Variants in USP7 observed in about 807,000 individuals in gnomAD.
The protein encoded by USP7 is ubiquitin specific peptidase 7, also known as ubiquitin C-terminal hydrolase 7.
A neutral mutation model predicts 162.9 loss-of-function variants in USP7; 9 were observed. That is an observed-to-expected ratio of 0.06 (90% confidence interval 0.03 to 0.10). The LOEUF (loss-of-function observed/expected upper bound fraction) is 0.10. Among genes scored for constraint, USP7 ranks in the 10% least tolerant of loss-of-function variants. The pLI is 1.00. For missense variants in USP7, 715 were observed against 1,373.7 expected (o/e 0.52, Z 7.58); for synonymous variants, 562 against 475.9 (o/e 1.18, Z -2.35).
chr16:8,928,754 G>T (rs915866351), intron 2 of USP7, among the ~76,000 whole-genome samples: 1 of 152,234 alleles, frequency 6.6e-6, no homozygotes, highest in South Asian at 2.1e-4. Flanking sequence ...GAGGTCACAA[G>T]AAGGGCATTT....
At chr16:8,920,583 A>G (rs543196362) in intron 4 of USP7, 136 bp from the exon 5 acceptor site, 1 of 706,146 alleles carries the variant, frequency 1.4e-6, no homozygotes. Flanking sequence ...CTTTTTTGCT[A>G]ATTTTAGACT....
intron 3 of USP7, 29 bp from the exon 4 acceptor site, chr16:8,921,324 T>G: frequency 2.5e-6 from 4 of 1,604,250 alleles, no homozygotes; most frequent in Admixed American, 3.4e-5. Flanking sequence ...TGAGCCTTAG[T>G]TGACATTATT....
At chr16:8,901,598 C>A (rs1278724178) in intron 18 of USP7, among the ~76,000 whole-genome samples, 1 of 152,194 alleles carries the variant, frequency 6.6e-6, no homozygotes, top group African/African-American at 2.4e-5. Context: ...CCAGAAGTGA[C>A]CACTCACAGC....
intron 1 of USP7, chr16:8,962,645 G>T (rs1596425285): frequency 7.7e-6 from 2 of 259,922 alleles, no homozygotes; most frequent in Middle Eastern, 1.2e-3. Flanking sequence ...AGAACTCTGG[G>T]CCAGTCCAAA....
chr16:8,923,477 C>T (rs1371258776), intron 2 of USP7, 64 bp from the exon 3 acceptor site: 5 of 1,547,152 alleles, frequency 3.2e-6, no homozygotes, highest in Admixed American at 1.8e-5. Context: ...TAGCATTAAT[C>T]GACATGGAGT....
intron 7 of USP7, among the ~76,000 whole-genome samples, 194 bp from the exon 8 acceptor site, chr16:8,916,750 T>G (rs537973037): frequency 6.6e-6 from 1 of 152,298 alleles, no homozygotes; most frequent in Non-Finnish European, 1.5e-5. Flanking sequence ...CAAGAAAATG[T>G]AATAAATCTG....
Position 8,898,362 on chromosome 16 carries a change from C to G in USP7, c.2716G>C (p.Glu906Gln). 6.2e-7 allele frequency: 1 copy of G among 1,603,788 alleles called. No individual in the cohort carries two copies. The highest frequency in any genetic ancestry group is 2.2e-5 in the East Asian group (1 of 44,840). ...CIWLNSQFRE[E>Q]EITLYPDKHG... The stretch of plus-strand genomic sequence containing the variant: ...TTCATAGTATTAAAAAAACTTACCT[C>G]TTCCCTAAATTGGCTGTTTAACCAT... The change falls in exon 25 of 31, where the codon GAG becomes CAG. Residue 906 changes from glutamate to glutamine, a missense_variant and splice_region_variant. Coordinates refer to ENST00000344836, the MANE Select transcript of USP7 (RefSeq NM_003470.3).
intron 1 of USP7, among the ~76,000 whole-genome samples, chr16:8,938,704 C>G (rs1445272918): frequency 1.8e-5 from 2 of 109,260 alleles, no homozygotes; most frequent in African/African-American, 1.0e-4. Context: ...CAGCAAGACT[C>G]CGTCTCAAAA....
chr16:8,898,287 A>T, intron 25 of USP7, 73 bp downstream of exon 25: 1 of 1,254,868 alleles, frequency 8.0e-7, no homozygotes, highest in Non-Finnish European at 1.1e-6. Flanking sequence ...TTAGTTTTCA[A>T]TGTCTGGGGA....
At chr16:8,917,894 A>G (rs1897462424) in intron 6 of USP7, among the ~76,000 whole-genome samples, 1 of 152,028 alleles carries the variant, frequency 6.6e-6, no homozygotes. Context: ...GGTCCACGCC[A>G]TTCTCCTGCC....
chr16:8,936,869 CA>C, intron 1 of USP7: 1 of 680,966 alleles, frequency 1.5e-6, no homozygotes, highest in Non-Finnish European at 2.0e-6. Context: ...TGGTTAACAA[CA>C]TACCAATGCC....
At chr16:8,895,794 A>G (rs2061671969) in intron 26 of USP7, 53 bp from the exon 27 acceptor site, 1 of 1,252,102 alleles carries the variant, frequency 8.0e-7, no homozygotes. Context: ...ATATTCACAT[A>G]AAAATAAAAT....
At chr16:8,941,856 G>A (rs1186503627) in intron 1 of USP7, among the ~76,000 whole-genome samples, 2 of 152,212 alleles carry the variant, frequency 1.3e-5, no homozygotes, top group Admixed American at 1.3e-4. Flanking sequence ...GGAACTGGGT[G>A]GACACGCCTC....
At chr16:8,913,184 C>T (rs577356250) in intron 10 of USP7, among the ~76,000 whole-genome samples, 1 of 152,280 alleles carries the variant, frequency 6.6e-6, no homozygotes, top group South Asian at 2.1e-4. Flanking sequence ...GGTGAAACCT[C>T]GTCTCTACTG....
intron 10 of USP7, among the ~76,000 whole-genome samples, chr16:8,912,082 G>A (rs141788616): frequency 2.0e-5 from 3 of 152,186 alleles, no homozygotes. Flanking sequence ...GTGCATAAGA[G>A]CAAAGGTTAG....
At chr16:8,957,521 A>G (rs1484630091) in intron 1 of USP7, among the ~76,000 whole-genome samples, 2 of 151,728 alleles carry the variant, frequency 1.3e-5, no homozygotes, top group East Asian at 3.9e-4. Flanking sequence ...AGGCAGGAGG[A>G]TTGCTTGAGA....
rs754707182 is a variant in USP7, at chr16:8,899,117, C to T, written c.2531+4G>A. The T allele has an allele frequency of 6.2e-7, 1 of 1,614,176 alleles. No individual in the cohort carries two copies. The highest frequency in any genetic ancestry group is 1.7e-5 in the Admixed American group (1 of 60,024). ...CCAAGCAAGTGTCCACACATGTGAC[C>T]TACCCTTGAGACTTGAAAAACTGCA... On this transcript the variant is annotated splice_donor_region_variant and intron_variant, in intron 23 of 30. Transcript: ENST00000344836.
intron 2 of USP7, among the ~76,000 whole-genome samples, chr16:8,924,820 T>C (rs1423472867): frequency 6.6e-6 from 1 of 152,238 alleles, no homozygotes; most frequent in Non-Finnish European, 1.5e-5. Flanking sequence ...CTACCTTCTT[T>C]GAGACACTCT....
Position 8,906,325 on chromosome 16 carries a change from G to A in USP7, c.1428+101C>T. Reference sequence around the variant, plus strand: ...CCAGAGAATACATAGATCAGTTAGGGGTCCCTGACAAGGTTCCGAGTAGGA... The same window carrying A: ...CCAGAGAATACATAGATCAGTTAGGAGTCCCTGACAAGGTTCCGAGTAGGA... On this transcript the variant is annotated intron_variant, in intron 13 of 30. Coordinates refer to ENST00000344836, the MANE Select transcript of USP7 (RefSeq NM_003470.3). 5.9e-6 allele frequency: 8 copies of A among 1,367,466 alleles called. No homozygotes were observed. The South Asian group carries it at 1.1e-4, about 18-fold the overall frequency. 84.7% of individuals were successfully genotyped at this position (1,367,466 alleles called of 1,614,324 possible). A position where few individuals can be genotyped will look rare whatever the true frequency, so the allele number is the denominator to read the frequency against.
Sources: allele counts gnomAD v4.1 joint callset (sites outside exome capture counted in the v4.1 genomes callset), GRCh38; gene constraint gnomAD v4.1.1; transcripts MANE v1.5; gene names NCBI Gene and HGNC (gene_info 2026-07-23, HGNC 2026-07-21).